Variants in ACAT1 observed in about 807,000 individuals in gnomAD.
ACAT1 encodes acetyl-CoA acetyltransferase 1.
A neutral mutation model predicts 47.3 loss-of-function variants in ACAT1; 28 were observed. The observed-to-expected ratio is 0.59, with a 90% CI of 0.44 to 0.81. The LOEUF is 0.81. Among genes scored for constraint, ACAT1 ranks in the 30% least tolerant of loss-of-function variants. ACAT1 has a pLI of 0.00. For synonymous variants in ACAT1, 181 were observed against 173.6 expected (o/e 1.04, Z -0.34); for missense variants, 469 against 524.3 (o/e 0.89, Z 1.03).
intron 1 of ACAT1, among the ~76,000 whole-genome samples, 174 bp from the exon 2 acceptor site, chr11:108,131,733 T>A (rs571978389): frequency 2.6e-5 from 4 of 152,090 alleles, no homozygotes; most frequent in African/African-American, 9.7e-5. Flanking sequence ...AAGTTTATTA[T>A]AAAGCAGTCA....
chr11:108,132,142 T>C (rs2077373278), intron 2 of ACAT1, among the ~76,000 whole-genome samples, 188 bp downstream of exon 2: 1 of 152,228 alleles, frequency 6.6e-6, no homozygotes, highest in African/African-American at 2.4e-5. Flanking sequence ...AGTTAGTCTC[T>C]GCCAATGTTT....
rs962609722 is a variant in ACAT1, at chr11:108,126,692, G to A, written c.72+5014G>A. Among the ~76,000 whole-genome samples the A allele has an allele frequency of 2.6e-5, 4 of 151,974 alleles. No homozygotes were observed. The South Asian group carries it at 6.2e-4, about 24-fold the overall frequency. On this transcript the variant is annotated intron_variant, in intron 1 of 11. Coordinates refer to ENST00000265838, the MANE Select transcript of ACAT1 (RefSeq NM_000019.4). ...GGACGAATTTAGTTATGTTTTGGACGCTGTTCACAGTATCTGGATTTTAGG... is the reference window on the plus strand; with the variant it reads ...GGACGAATTTAGTTATGTTTTGGACACTGTTCACAGTATCTGGATTTTAGG...
At chr11:108,119,108 C>T (rs961211411), upstream of ACAT1, among the ~76,000 whole-genome samples, 2 of 152,192 alleles carry the variant, frequency 1.3e-5, no homozygotes, top group Non-Finnish European at 2.9e-5. Flanking sequence ...TAATGCTACT[C>T]CCTAATTCAG....
Position 108,147,410 on chromosome 11 carries a change from G to A in ACAT1, c.*20G>A. On this transcript the variant is annotated 3_prime_UTR_variant, in exon 12 of 12. Coordinates refer to ENST00000265838, the MANE Select transcript of ACAT1 (RefSeq NM_000019.4). The stretch of plus-strand genomic sequence containing the variant: ...CTGTAGACAACCTCTGCTATTTAAG[G>A]AGACAACCCTATGTGACCAGAAGGC... The A allele has an allele frequency of 6.2e-7, 1 of 1,612,622 alleles. No individual in the cohort carries two copies. The highest frequency in any genetic ancestry group is 8.5e-7 in the Non-Finnish European group (1 of 1,179,376).
At chr11:108,146,876 T>C (rs901848329) in intron 11 of ACAT1, among the ~76,000 whole-genome samples, 7 of 152,202 alleles carry the variant, frequency 4.6e-5, no homozygotes, top group Non-Finnish European at 1.0e-4. Flanking sequence ...GGTCAAGAGA[T>C]AGAGGCCATC....
In ACAT1 at chr11:108,127,414, G is replaced by A. The variant is rs530597765; in HGVS notation, c.73-4493G>A. ...CAAATAGCTAGGGCTACAGGTGCCC[G>A]CCACCACGCCTGGCTAATTTTGTTT... On this transcript the variant is annotated intron_variant, in intron 1 of 11. Coordinates refer to ENST00000265838, the MANE Select transcript of ACAT1 (RefSeq NM_000019.4). 2.0e-5 allele frequency among the ~76,000 whole-genome samples: 3 copies of A among 151,920 alleles called. No homozygotes were observed. In the South Asian group the frequency reaches 6.3e-4, roughly 32 times the overall value.
At position 108,146,253 on chromosome 11, in the gene ACAT1, A is replaced by T; in HGVS notation, c.1057A>T (p.Asn353Tyr). Residue 353 changes from asparagine (N) to tyrosine (Y), a missense_variant, in exon 11 of 12, where the codon AAT becomes TAT. Coordinates refer to ENST00000265838, the MANE Select transcript of ACAT1 (RefSeq NM_000019.4). The stretch of plus-strand genomic sequence containing the variant: ...AGAAGATATTGCAATGTGGGAAGTA[A>T]ATGAAGCCTTTAGTCTGGTTGTACT... The part of the protein sequence containing the change: ...KKEDIAMWEV[N>Y]EAFSLVVLAN... The T allele has an allele frequency of 6.2e-7, 1 of 1,613,818 alleles. No homozygotes were observed. Among genetic ancestry groups the T allele is most frequent in the East Asian group, 2.2e-5 (1 of 44,840 alleles).
upstream of ACAT1, among the ~76,000 whole-genome samples, chr11:108,118,549 T>C (rs1288170986): frequency 6.6e-6 from 1 of 152,136 alleles, no homozygotes; most frequent in Non-Finnish European, 1.5e-5. Context: ...TAATTTTTTG[T>C]ATTTTTAGTA....
At chr11:108,135,529 T>C (rs1591364120) in intron 5 of ACAT1, among the ~76,000 whole-genome samples, 2 of 149,630 alleles carry the variant, frequency 1.3e-5, no homozygotes, top group East Asian at 3.9e-4. Context: ...CTCTGCTCTT[T>C]GAAAAAAAAA....
intron 5 of ACAT1, chr11:108,136,006 ATTAAG>A (rs760159024): frequency 5.1e-5 from 28 of 545,624 alleles, no homozygotes; most frequent in South Asian, 2.6e-4. Context: ...ATTTGTAGTC[ATTAAG>A]TTAAGTTCTA....
intron 1 of ACAT1, among the ~76,000 whole-genome samples, chr11:108,129,435 C>T (rs1231640924): frequency 6.6e-6 from 1 of 152,002 alleles, no homozygotes; most frequent in Non-Finnish European, 1.5e-5. Flanking sequence ...GTGGCGTGAT[C>T]TCGGCTCACT....
intron 8 of ACAT1, 146 bp from the exon 9 acceptor site, chr11:108,142,291 T>C: frequency 2.8e-6 from 2 of 706,636 alleles, no homozygotes; most frequent in South Asian, 1.5e-5. Flanking sequence ...GCTGTGTACA[T>C]GTTTCCTGAG....
At chr11:108,121,507 G>A, upstream of ACAT1, 1 of 1,319,680 alleles carries the variant, frequency 7.6e-7, no homozygotes, top group Non-Finnish European at 1.1e-6. Context: ...ATTGGAGGAA[G>A]CGGGATGGGC....
intron 9 of ACAT1, 123 bp from the exon 10 acceptor site, chr11:108,143,860 A>G (rs1292527884): frequency 2.0e-6 from 2 of 980,448 alleles, no homozygotes; most frequent in South Asian, 3.0e-5. Context: ...AGGAAGACAT[A>G]TATTTACATA....
At chr11:108,140,759 T>A (rs934302497) in intron 7 of ACAT1, among the ~76,000 whole-genome samples, 4 of 152,226 alleles carry the variant, frequency 2.6e-5, no homozygotes, top group Non-Finnish European at 4.4e-5. Context: ...TGAAGACTCA[T>A]TAACTTGCTT....
rs868221414 is a variant in ACAT1 at position 108,142,649 on chromosome 11, C to T, written c.940+99C>T. Reference sequence around the variant, plus strand: ...CCCCGGAGTTCGAAATCAGCCTGGGCAATATAGTGAGACTTCGTCTCTACA... The same window carrying T: ...CCCCGGAGTTCGAAATCAGCCTGGGTAATATAGTGAGACTTCGTCTCTACA... On this transcript the variant is annotated intron_variant, in intron 9 of 11. Transcript: ENST00000265838. 1.3e-4 allele frequency: 117 copies of T among 923,080 alleles called. 1 individual carries two copies. The African/African-American group carries it at 1.7e-3, about 14-fold the overall frequency. 57.2% of individuals were successfully genotyped at this position (923,080 alleles called of 1,614,324 possible). A position where few individuals can be genotyped will look rare whatever the true frequency, so the allele number is the denominator to read the frequency against.
intron 8 of ACAT1, among the ~76,000 whole-genome samples, chr11:108,142,098 G>A (rs2077600362): frequency 6.6e-6 from 1 of 152,176 alleles, no homozygotes; most frequent in South Asian, 2.1e-4. Context: ...TGAAAAATAT[G>A]TAGTGAGTAC....
intron 1 of ACAT1, 28 bp from the exon 2 acceptor site, chr11:108,131,876 CATT>C (rs753029126): frequency 1.5e-5 from 15 of 1,031,574 alleles, no homozygotes; most frequent in Admixed American, 6.6e-5. Flanking sequence ...ATATTTTTTA[CATT>C]ATAACATTAT....
intron 5 of ACAT1, among the ~76,000 whole-genome samples, chr11:108,137,815 T>C (rs2077495254): frequency 6.6e-6 from 1 of 151,658 alleles, no homozygotes; most frequent in Non-Finnish European, 1.5e-5. Flanking sequence ...GGTGTGATGG[T>C]GCATGCCTGT....
Sources: gnomAD v4.1 joint callset for allele counts (sites outside exome capture counted in the v4.1 genomes callset) on GRCh38, gnomAD v4.1.1 for gene constraint, MANE v1.5 for transcripts, NCBI Gene and HGNC (gene_info 2026-07-23, HGNC 2026-07-21) for gene names.